Variants in PREP observed in about 807,000 individuals in gnomAD.
PREP encodes the protein dJ355L5.1 (prolyl endopeptidase).
A neutral mutation model predicts 87.6 loss-of-function variants in PREP; 29 were observed. The ratio of observed to expected loss-of-function variants is 0.33; its 90% CI spans 0.25 to 0.45. PREP has a LOEUF of 0.45. Among genes scored for constraint, PREP ranks in the 20% least tolerant of loss-of-function variants. PREP has a pLI of 1.00. For synonymous variants in PREP, 337 were observed against 328.6 expected (o/e 1.03, Z -0.28); for missense variants, 695 against 886.5 (o/e 0.78, Z 2.74).
intron 10 of PREP, among the ~76,000 whole-genome samples, chr6:105,316,039 C>T (rs1428356287): frequency 3.3e-5 from 5 of 152,226 alleles, no homozygotes; most frequent in African/African-American, 4.8e-5. Flanking sequence ...CATGTGTTCA[C>T]TGGCATAGCA....
In PREP at chr6:105,275,150, A is replaced by G. The variant is rs1769908912; in HGVS notation, c.*2994T>C. ...TTTGCCTCTTTACAGCAACCTCCAC[A>G]GCTTTCCAGCCTGTCCTTAACCTGC... On this transcript the variant is annotated 3_prime_UTR_variant, in exon 15 of 15. Coordinates refer to ENST00000652536, the MANE Select transcript of PREP (RefSeq NM_002726.5). 6.6e-6 allele frequency among the ~76,000 whole-genome samples: 1 copy of G among 152,130 alleles called. No homozygotes were observed. Among genetic ancestry groups the G allele is most frequent in the East Asian group, 1.9e-4 (1 of 5,194 alleles).
chr6:105,397,186 A>C (rs112239096), intron 2 of PREP, among the ~76,000 whole-genome samples: 178 of 76,392 alleles, frequency 2.3e-3, no homozygotes, highest in African/African-American at 8.0e-3. Flanking sequence ...CTCTGTCTAC[A>C]AAAAAAAAAA....
In PREP at chr6:105,277,642, T is replaced by A. The variant is rs1403374930; in HGVS notation, c.*502A>T. 6.4e-6 allele frequency: 1 copy of A among 155,098 alleles called. No homozygotes were observed. Among genetic ancestry groups the A allele is most frequent in the African/African-American group, 2.4e-5 (1 of 41,414 alleles). 9.6% of individuals were successfully genotyped at this position (155,098 alleles called of 1,614,324 possible). A position where few individuals can be genotyped will look rare whatever the true frequency, so the allele number is the denominator to read the frequency against. On this transcript the variant is annotated 3_prime_UTR_variant, in exon 15 of 15. Coordinates refer to ENST00000652536, the MANE Select transcript of PREP (RefSeq NM_002726.5). ...TGAAAACTAACTTGTTGCAGAAAGG[T>A]GAAATGCTTTATTCTCACAGAAAAC...
At chr6:105,373,712 T>A in intron 4 of PREP, 134 bp from the exon 5 acceptor site, 1 of 926,280 alleles carries the variant, frequency 1.1e-6, no homozygotes, top group Non-Finnish European at 1.6e-6. Context: ...AATCTGGTAG[T>A]GAGGAATCCC....
rs546925328 is a variant in PREP at position 105,360,685 on chromosome 6, G to A, written c.718-7608C>T. On this transcript the variant is annotated intron_variant, in intron 6 of 14. Coordinates refer to ENST00000652536, the MANE Select transcript of PREP (RefSeq NM_002726.5). ...GTTCACATGTACTTGTCTGATAAAC[G>A]TGTAATTCGGACAACTTAGCATATT... Among the ~76,000 whole-genome samples, 143 of 152,238 alleles carry A rather than the reference G, an allele frequency of 9.4e-4. 1 individual carries two copies. The highest frequency in any genetic ancestry group is 3.3e-3 in the African/African-American group (139 of 41,556).
intron 10 of PREP, among the ~76,000 whole-genome samples, chr6:105,299,359 G>T (rs1770483204): frequency 6.6e-6 from 1 of 152,224 alleles, no homozygotes; most frequent in Non-Finnish European, 1.5e-5. Context: ...AGAACTTTGG[G>T]AGGCCAAGAC....
intron 6 of PREP, among the ~76,000 whole-genome samples, chr6:105,353,324 G>A (rs1196169364): frequency 6.6e-6 from 1 of 152,134 alleles, no homozygotes; most frequent in African/African-American, 2.4e-5. Context: ...AGAGGTAACT[G>A]AATGTCATAA....
chr6:105,327,194 G>A (rs62419684), intron 9 of PREP, among the ~76,000 whole-genome samples: 1,789 of 152,236 alleles, frequency 0.012, 16 homozygotes, highest in Middle Eastern at 0.031. Flanking sequence ...GTAAATTTGA[G>A]GAAATTAACT....
intron 6 of PREP, among the ~76,000 whole-genome samples, chr6:105,364,197 A>G (rs1456454810): frequency 6.6e-6 from 1 of 152,236 alleles, no homozygotes; most frequent in Non-Finnish European, 1.5e-5. Context: ...TCTGGACTGC[A>G]ATGAACCTTT....
At position 105,385,188 on chromosome 6, in the gene PREP, C is replaced by T. The variant is rs140508152; in HGVS notation, c.121-7669G>A. Among the ~76,000 whole-genome samples the T allele has an allele frequency of 3.6e-3, 515 of 144,948 alleles. 13 individuals are homozygous for T. In the East Asian group the frequency reaches 0.039, roughly 11 times the overall value. On this transcript the variant is annotated intron_variant, in intron 2 of 14. Transcript: ENST00000652536. ...TTTATGAGAAAGAATAAACTTTAAGCATTAAAATAAAAAATTTTAAAATAA... is the reference window on the plus strand; with the variant it reads ...TTTATGAGAAAGAATAAACTTTAAGTATTAAAATAAAAAATTTTAAAATAA...
intron 7 of PREP, among the ~76,000 whole-genome samples, chr6:105,350,217 GA>G (rs1198977629): frequency 6.6e-6 from 1 of 151,890 alleles, no homozygotes; most frequent in Non-Finnish European, 1.5e-5. Context: ...AAGAAACAAA[GA>G]AAAAAAGAAG....
chr6:105,302,247 T>A (rs891697257), intron 10 of PREP, among the ~76,000 whole-genome samples: 5 of 152,164 alleles, frequency 3.3e-5, no homozygotes, highest in Non-Finnish European at 4.4e-5. Context: ...CTCACTGCAA[T>A]GGGATTTATG....
chr6:105,348,744 T>C (rs1771866096), intron 7 of PREP, among the ~76,000 whole-genome samples: 1 of 152,048 alleles, frequency 6.6e-6, no homozygotes, highest in Non-Finnish European at 1.5e-5. Context: ...CCAGGTATGG[T>C]GGCATGCGCC....
chr6:105,341,846 T>G (rs975717260), intron 7 of PREP, among the ~76,000 whole-genome samples: 41 of 152,228 alleles, frequency 2.7e-4, no homozygotes, highest in South Asian at 1.2e-3. Flanking sequence ...CAGGAAGAAG[T>G]TGCATCCCTG....
intron 8 of PREP, among the ~76,000 whole-genome samples, chr6:105,331,514 G>A (rs1422499720): frequency 1.3e-5 from 2 of 152,128 alleles, no homozygotes; most frequent in East Asian, 1.9e-4. Flanking sequence ...AACTCCTGGA[G>A]CACCTATATG....
intron 10 of PREP, among the ~76,000 whole-genome samples, chr6:105,317,292 G>C (rs1009205280): frequency 3.3e-5 from 5 of 151,938 alleles, no homozygotes; most frequent in African/African-American, 1.2e-4. Flanking sequence ...AAAAAATCCT[G>C]AGCTATAGCG....
chr6:105,343,618 A>G (rs2114672416), intron 7 of PREP, among the ~76,000 whole-genome samples: 1 of 152,346 alleles, frequency 6.6e-6, no homozygotes, highest in South Asian at 2.1e-4. Context: ...AAATTTTTAC[A>G]GTCTACCCAT....
chr6:105,398,865 T>G (rs1210849566), intron 1 of PREP, among the ~76,000 whole-genome samples: 1 of 152,162 alleles, frequency 6.6e-6, no homozygotes. Flanking sequence ...CCCAGCACTT[T>G]GGGAGACTGA....
chr6:105,376,154 A>G lies in PREP; in HGVS notation c.356T>C (p.Leu119Pro). 6.2e-7 allele frequency: 1 copy of G among 1,613,826 alleles called. No homozygotes were observed. Among genetic ancestry groups the G allele is most frequent in the Non-Finnish European group, 8.5e-7 (1 of 1,179,790 alleles). Reference sequence around the variant, plus strand: ...GAGTGCCACTGTGCCATCGTCAGACAGTATGTTGGGGTCCAGGAACACTCT... The same window carrying G: ...GAGTGCCACTGTGCCATCGTCAGACGGTATGTTGGGGTCCAGGAACACTCT... ...EARVFLDPNILSDDGTVALRG... is the reference protein window; with the variant it reads ...EARVFLDPNIPSDDGTVALRG... The change falls in exon 4 of 15, where the codon CTG becomes CCG. Residue 119 changes from leucine (L) to proline (P), a missense_variant. By Grantham distance (98) the Leu-to-Pro change is moderately conservative. Around this residue, in one of 5 missense-constraint regions of PREP, gnomAD observed 517 missense variants for 620.3 expected, o/e 0.83. Transcript: ENST00000652536.
Sources: gnomAD v4.1 joint callset for allele counts (sites outside exome capture counted in the v4.1 genomes callset) on GRCh38, gnomAD v4.1.1 for gene constraint, gnomAD v4.1.1 regional missense constraint, MANE v1.5 for transcripts, NCBI Gene and HGNC (gene_info 2026-07-23, HGNC 2026-07-21) for gene names.